ADARB2: variants seen among roughly 807,000 people sequenced by gnomAD.
ADARB2 encodes inactive double-stranded RNA-specific editase B2.
In ADARB2, 25 loss-of-function variants were observed where a neutral mutation model predicts 62.2. The observed-to-expected ratio is 0.40, with a 90% CI of 0.29 to 0.56. ADARB2 has a LOEUF of 0.56. ADARB2 is among the 20% of genes least tolerant of loss of function. The pLI, the probability that ADARB2 is intolerant of heterozygous loss-of-function variation, is 0.43. For synonymous variants in ADARB2, 572 were observed against 500.8 expected (o/e 1.14, Z -1.90); for missense variants, 1,071 against 1,077.4 (o/e 0.99, Z 0.08).
intron 1 of ADARB2, among the ~76,000 whole-genome samples, chr10:1,395,286 G>A (rs546599763): frequency 6.6e-6 from 1 of 152,316 alleles, no homozygotes; most frequent in East Asian, 1.9e-4. Flanking sequence ...TAATGCACAA[G>A]TCAGGCTTTA....
intron 3 of ADARB2, 121 bp from the exon 4 acceptor site, chr10:1,271,190 C>T: frequency 2.5e-5 from 18 of 719,808 alleles, no homozygotes; most frequent in Non-Finnish European, 4.2e-5. Context: ...GGCCTGCTCT[C>T]CTCCCCTCCT....
intron 4 of ADARB2, among the ~76,000 whole-genome samples, chr10:1,261,765 C>T (rs1244197823): frequency 6.7e-6 from 1 of 150,170 alleles, no homozygotes; most frequent in Non-Finnish European, 1.5e-5. Flanking sequence ...CTAGAAATAC[C>T]ATTTGACCCA....
At chr10:1,310,166 C>A (rs1831675550) in intron 3 of ADARB2, among the ~76,000 whole-genome samples, 1 of 152,212 alleles carries the variant, frequency 6.6e-6, no homozygotes, top group Non-Finnish European at 1.5e-5. Context: ...TTGGACCGAG[C>A]ACTGTGCCAG....
chr10:1,226,367 G>A (rs1830746399), intron 6 of ADARB2, among the ~76,000 whole-genome samples: 1 of 152,098 alleles, frequency 6.6e-6, no homozygotes, highest in Non-Finnish European at 1.5e-5. Flanking sequence ...TCCTCCTGTA[G>A]CTCAGAGTAG....
At chr10:1,458,929 CAT>C (rs1381228979) in intron 1 of ADARB2, among the ~76,000 whole-genome samples, 1 of 152,054 alleles carries the variant, frequency 6.6e-6, no homozygotes, top group Non-Finnish European at 1.5e-5. Context: ...AGGCAACAAT[CAT>C]ATGAAAAAAA....
intron 4 of ADARB2, among the ~76,000 whole-genome samples, chr10:1,264,003 C>T (rs1216835198): frequency 6.6e-6 from 1 of 152,186 alleles, no homozygotes; most frequent in Admixed American, 6.5e-5. Context: ...TTAAACCTAA[C>T]AGTTTAAACC....
chr10:1,312,717 TG>T (rs1831703982), intron 3 of ADARB2, among the ~76,000 whole-genome samples: 1 of 152,114 alleles, frequency 6.6e-6, no homozygotes, highest in Non-Finnish European at 1.5e-5. Context: ...CATGGGCAGG[TG>T]GGAACCAGGG....
intron 1 of ADARB2, among the ~76,000 whole-genome samples, chr10:1,419,098 T>TTTTC (rs10647745): frequency 0.25 from 38,630 of 151,902 alleles, 6,736 homozygotes; most frequent in East Asian, 0.62. Flanking sequence ...TGATGTGTCT[T>TTTTC]TTTTTTCTTT....
chr10:1,297,562 G>A (rs997217565), intron 3 of ADARB2, among the ~76,000 whole-genome samples: 7 of 152,266 alleles, frequency 4.6e-5, no homozygotes, highest in South Asian at 2.1e-4. Flanking sequence ...ACCCCCGAGG[G>A]TGGCTGCGTG....
At chr10:1,455,004 A>G (rs1831080691) in intron 1 of ADARB2, among the ~76,000 whole-genome samples, 1 of 152,244 alleles carries the variant, frequency 6.6e-6, no homozygotes, top group African/African-American at 2.4e-5. Context: ...CACGTTGTAG[A>G]AATTTGCTTA....
At chr10:1,571,488 T>A (rs1356111456) in intron 1 of ADARB2, among the ~76,000 whole-genome samples, 3 of 152,218 alleles carry the variant, frequency 2.0e-5, no homozygotes, top group East Asian at 1.9e-4. Context: ...ATTTGAAATG[T>A]TTTTCTGCTG....
chr10:1,610,057 T>A (rs1205377358), intron 1 of ADARB2, among the ~76,000 whole-genome samples: 2 of 152,066 alleles, frequency 1.3e-5, no homozygotes, highest in East Asian at 1.9e-4. Context: ...CATTTTTTTT[T>A]TTATTATTAC....
In ADARB2 at chr10:1,671,194, G is replaced by A. The variant is rs138515451; in HGVS notation, c.100+65857C>T. Reference sequence around the variant, plus strand: ...AGACGGGGAGAGGGTGCTGGGCGCCGGCAAGCCACAGCGTCTGCTCTCATG... The same window carrying A: ...AGACGGGGAGAGGGTGCTGGGCGCCAGCAAGCCACAGCGTCTGCTCTCATG... On this transcript the variant is annotated intron_variant, in intron 1 of 9. Coordinates refer to ENST00000381312, the MANE Select transcript of ADARB2 (RefSeq NM_018702.4). 1.3e-3 allele frequency among the ~76,000 whole-genome samples: 197 copies of A among 152,228 alleles called. 1 individual carries two copies. Among genetic ancestry groups the A allele is most frequent in the African/African-American group, 4.4e-3 (182 of 41,528 alleles).
chr10:1,688,029 G>A (rs1010689437), intron 1 of ADARB2, among the ~76,000 whole-genome samples: 4 of 152,198 alleles, frequency 2.6e-5, no homozygotes, highest in Non-Finnish European at 5.9e-5. Context: ...CAAATATAGG[G>A]TAAAGGAATG....
chr10:1,505,224 A>C (rs1376970303), intron 1 of ADARB2, among the ~76,000 whole-genome samples: 1 of 152,024 alleles, frequency 6.6e-6, no homozygotes, highest in Non-Finnish European at 1.5e-5. Context: ...CACACACAGA[A>C]ACACACACAC....
chr10:1,459,943 TTACG>T (rs1831147952), intron 1 of ADARB2, among the ~76,000 whole-genome samples: 9 of 143,448 alleles, frequency 6.3e-5, no homozygotes, highest in African/African-American at 2.1e-4. Context: ...TTTACCTGCG[TTACG>T]AACCTGCCTG....
intron 8 of ADARB2, chr10:1,199,646 CGG>C (rs1836958054): frequency 7.3e-6 from 2 of 273,050 alleles, no homozygotes; most frequent in Non-Finnish European, 1.4e-5. Flanking sequence ...GGCAGGTGGG[CGG>C]CCAGGTGGGC....
chr10:1,682,186 A>T (rs185708791), intron 1 of ADARB2, among the ~76,000 whole-genome samples: 1 of 152,206 alleles, frequency 6.6e-6, no homozygotes, highest in Non-Finnish European at 1.5e-5. Context: ...CTCCACAAAG[A>T]TGGAAGAACA....
chr10:1,330,923 T>C (rs1197953992), intron 3 of ADARB2, among the ~76,000 whole-genome samples: 1 of 152,196 alleles, frequency 6.6e-6, no homozygotes, highest in African/African-American at 2.4e-5. Flanking sequence ...TAATAACATT[T>C]TATAACTCAG....
Sources: gnomAD v4.1 joint callset for allele counts (sites outside exome capture counted in the v4.1 genomes callset) on GRCh38, gnomAD v4.1.1 for gene constraint, MANE v1.5 for transcripts, NCBI Gene and HGNC (gene_info 2026-07-23, HGNC 2026-07-21) for gene names.